Variants in CLEC16A observed in about 807,000 individuals in gnomAD.
CLEC16A encodes the protein C-type lectin domain containing 16A.
Under a neutral mutation model 109.5 loss-of-function variants are expected in CLEC16A, and 51 were observed. The ratio of observed to expected loss-of-function variants is 0.47; its 90% CI spans 0.37 to 0.59. The LOEUF (loss-of-function observed/expected upper bound fraction) is 0.59. Ranked by LOEUF, CLEC16A falls within the 20% of genes least tolerant of loss-of-function variation. The pLI is 0.00. For missense variants in CLEC16A, 1,339 were observed against 1,394.0 expected, an observed-to-expected ratio of 0.96 and a Z score of 0.63; for synonymous variants, 673 against 564.2, an observed-to-expected ratio of 1.19 and a Z score of -2.73.
At chr16:11,049,669 C>T (rs572908822) in intron 17 of CLEC16A, among the ~76,000 whole-genome samples, 4 of 152,340 alleles carry the variant, frequency 2.6e-5, no homozygotes, top group Middle Eastern at 6.8e-3. Flanking sequence ...AGCTGCTGTA[C>T]CAAAGTCAGA....
chr16:11,145,828 G>A (rs1425567108), intron 22 of CLEC16A, among the ~76,000 whole-genome samples: 11 of 152,192 alleles, frequency 7.2e-5, no homozygotes, highest in East Asian at 1.9e-4. Flanking sequence ...GGTGTGAGTC[G>A]GGTCAAGTGT....
intron 19 of CLEC16A, among the ~76,000 whole-genome samples, chr16:11,089,361 C>T (rs1279049272): frequency 6.6e-6 from 1 of 152,146 alleles, no homozygotes; most frequent in Non-Finnish European, 1.5e-5. Context: ...ACCCGAGGGA[C>T]CATCCCTTGT....
chr16:10,973,099 G>C (rs756961374), intron 7 of CLEC16A, 38 bp downstream of exon 7: 3 of 1,555,964 alleles, frequency 1.9e-6, no homozygotes, highest in South Asian at 1.2e-5. Context: ...TAGATAGACA[G>C]GGTGGTTAGG....
chr16:11,056,303 G>C (rs2048210733), intron 18 of CLEC16A, among the ~76,000 whole-genome samples: 1 of 152,218 alleles, frequency 6.6e-6, no homozygotes, highest in Non-Finnish European at 1.5e-5. Flanking sequence ...CCTCTCAGCT[G>C]TTGCCCAGAG....
chr16:11,089,052 G>A (rs905213297), intron 19 of CLEC16A, among the ~76,000 whole-genome samples: 1 of 152,122 alleles, frequency 6.6e-6, no homozygotes, highest in African/African-American at 2.4e-5. Flanking sequence ...CAGGGGAGGG[G>A]GAGGGTGTCC....
At chr16:10,976,158 T>G (rs988991711) in intron 7 of CLEC16A, among the ~76,000 whole-genome samples, 3 of 152,168 alleles carry the variant, frequency 2.0e-5, no homozygotes, top group African/African-American at 7.2e-5. Flanking sequence ...TAATCTGAGA[T>G]GCTTTGGAGG....
chr16:11,161,524 A>C, intron 22 of CLEC16A, among the ~76,000 whole-genome samples: 1 of 151,936 alleles, frequency 6.6e-6, no homozygotes, highest in African/African-American at 2.4e-5. Flanking sequence ...ATATTTCCAC[A>C]TCCCCACTCC....
At chr16:11,004,770 A>T (rs561095684) in intron 11 of CLEC16A, among the ~76,000 whole-genome samples, 40 of 152,246 alleles carry the variant, frequency 2.6e-4, no homozygotes, top group African/African-American at 9.6e-4. Flanking sequence ...GGTGCCACCG[A>T]GACCTCTTTT....
chr16:11,138,109 A>G lies in CLEC16A; in HGVS notation c.2641+11963A>G, dbSNP rs140840901. Among the ~76,000 whole-genome samples the G allele has an allele frequency of 2.2e-3, 330 of 152,268 alleles. 3 individuals are homozygous for G. The highest frequency in any genetic ancestry group is 7.6e-3 in the African/African-American group (315 of 41,548). The stretch of plus-strand genomic sequence containing the variant: ...GGCATTTTTTAAAGGAACTTTTACA[A>G]TTCCAAGGAAGTGACATGACAAACA... On this transcript the variant is annotated intron_variant, in intron 22 of 23. Coordinates refer to ENST00000409790, the MANE Select transcript of CLEC16A (RefSeq NM_015226.3).
At position 11,166,558 on chromosome 16, in the gene CLEC16A, G is replaced by A. The variant is rs779334362; in HGVS notation, c.2806+6G>A. 1.3e-6 allele frequency: 2 copies of A among 1,582,550 alleles called. No homozygotes were observed. The highest frequency in any genetic ancestry group is 1.7e-6 in the Non-Finnish European group (2 of 1,164,518). On this transcript the variant is annotated splice_donor_region_variant and intron_variant, in intron 23 of 23. Transcript: ENST00000409790. ...CACAGCCCAGAGTCCAGCAGGTATT[G>A]GCCACGTGACTCAGTGATATGGGGA...
At chr16:11,156,519 G>A in intron 22 of CLEC16A, 1 of 1,111,324 alleles carries the variant, frequency 9.0e-7, no homozygotes, top group Non-Finnish European at 1.2e-6. Context: ...GAGCGCCTGT[G>A]CCTGGGAGTC....
chr16:11,049,094 G>C (rs1367047869), intron 17 of CLEC16A, among the ~76,000 whole-genome samples: 1 of 151,684 alleles, frequency 6.6e-6, no homozygotes, highest in East Asian at 1.9e-4. Flanking sequence ...TGCAACCTCT[G>C]CCTCTTGGGT....
At position 10,982,966 on chromosome 16, in the gene CLEC16A, C is replaced by A. The variant is rs201642036; in HGVS notation, c.1046C>A (p.Thr349Asn). 6 of 1,608,716 alleles carry A rather than the reference C, an allele frequency of 3.7e-6. No homozygotes were observed. In the Admixed American group the frequency reaches 1.0e-4, roughly 27 times the overall value. Residue 349 changes from threonine to asparagine, a missense_variant, in exon 10 of 24, where the codon ACT becomes AAT. Transcript: ENST00000409790. The part of the protein sequence containing the change: ...NGDLSEMYAK[T>N]EQDIQRSSAK... ...GATCTGTCTGAGATGTACGCTAAGA[C>A]TGAACAGGATATTCAGAGAAGTTCT...
chr16:11,050,705 C>G (rs1387532880), intron 17 of CLEC16A, among the ~76,000 whole-genome samples: 1 of 152,196 alleles, frequency 6.6e-6, no homozygotes, highest in Non-Finnish European at 1.5e-5. Context: ...GGCCCAGTGG[C>G]CGTGGGCATG....
chr16:10,968,279 C>G (rs2042610363), intron 3 of CLEC16A, among the ~76,000 whole-genome samples: 1 of 152,250 alleles, frequency 6.6e-6, no homozygotes, highest in Admixed American at 6.5e-5. Flanking sequence ...TGCCGGCCAG[C>G]ACAGCTTTAA....
chr16:11,114,509 A>C (rs1262716955), intron 19 of CLEC16A, among the ~76,000 whole-genome samples: 2 of 152,080 alleles, frequency 1.3e-5, no homozygotes, highest in African/African-American at 2.4e-5. Flanking sequence ...TCTGCCACCA[A>C]GTCCTTCCCA....
intron 11 of CLEC16A, among the ~76,000 whole-genome samples, chr16:11,018,748 CAA>C (rs56911220): frequency 4.4e-4 from 42 of 96,212 alleles, no homozygotes; most frequent in South Asian, 3.5e-4. Context: ...GACTCCATCT[CAA>C]AAAAAAAAAA....
chr16:11,046,850 T>C (rs544222823), intron 16 of CLEC16A, among the ~76,000 whole-genome samples: 7 of 152,350 alleles, frequency 4.6e-5, no homozygotes, highest in African/African-American at 1.7e-4. Context: ...GTAATTGTAA[T>C]GTTAAACTTA....
At position 11,051,502 on chromosome 16, in the gene CLEC16A, GTC is replaced by G; in HGVS notation, c.1867-7_1867-6del. On this transcript the variant is annotated splice_polypyrimidine_tract_variant and intron_variant, in intron 17 of 23. Transcript: ENST00000409790. ...AATCTGCTTTGAGGTTTCCTGTAAT[GTC>G]TCTTCTAGATGAAGCCCATGAACGT... 6.2e-7 allele frequency: 1 copy of G among 1,609,862 alleles called. No homozygotes were observed.
Sources: gnomAD v4.1 joint callset for allele counts (sites outside exome capture counted in the v4.1 genomes callset) on GRCh38, gnomAD v4.1.1 for gene constraint, MANE v1.5 for transcripts, NCBI Gene and HGNC (gene_info 2026-07-23, HGNC 2026-07-21) for gene names.